RBFOX1: variants seen among roughly 807,000 people sequenced by gnomAD.
RBFOX1 encodes RNA binding fox-1 homolog 1.
A neutral mutation model predicts 57.7 loss-of-function variants in RBFOX1; 8 were observed. That is an observed-to-expected ratio of 0.14 (90% CI 0.08 to 0.25). The LOEUF (loss-of-function observed/expected upper bound fraction) is 0.25. Ranked by LOEUF, RBFOX1 falls within the 10% of genes least tolerant of loss-of-function variation. The pLI is 1.00. For synonymous variants in RBFOX1, 326 were observed against 222.4 expected (o/e 1.47, Z -4.15); for missense variants, 611 against 548.5 (o/e 1.11, Z -1.14).
chr16:7,088,292 C>T (rs1026286310), intron 4 of RBFOX1, among the ~76,000 whole-genome samples: 2 of 152,132 alleles, frequency 1.3e-5, no homozygotes, highest in Non-Finnish European at 2.9e-5. Context: ...CAAGAATGAA[C>T]TGCTCTGAGT....
intron 4 of RBFOX1, among the ~76,000 whole-genome samples, chr16:5,904,942 A>G (rs993501820): frequency 7.4e-6 from 1 of 135,436 alleles, no homozygotes; most frequent in Non-Finnish European, 1.5e-5. Flanking sequence ...GCACCAATGC[A>G]CTCCAGCCTG....
intron 1 of RBFOX1, among the ~76,000 whole-genome samples, chr16:5,265,655 T>C (rs766283502): frequency 2.6e-5 from 4 of 152,228 alleles, no homozygotes; most frequent in Admixed American, 6.5e-5. Flanking sequence ...TAGATCTATA[T>C]TCTTGAGTAA....
In RBFOX1 at chr16:6,943,822, A is replaced by T. The variant is rs186363768; in HGVS notation, c.-15-108235A>T. On this transcript the variant is annotated intron_variant, in intron 3 of 15. Transcript: ENST00000550418. ...TTAAGTGTTCAAAAACTGTGTTCAA[A>T]TAAGGCAAACGCTGAGCTGTAACCA... Among the ~76,000 whole-genome samples, 45 of 152,260 alleles carry T rather than the reference A, an allele frequency of 3.0e-4. No individual in the cohort carries two copies. The Middle Eastern group carries it at 0.027, about 92-fold the overall frequency.
chr16:5,469,583 G>T (rs1176030093), intron 2 of RBFOX1, among the ~76,000 whole-genome samples: 2 of 152,056 alleles, frequency 1.3e-5, no homozygotes, highest in African/African-American at 4.8e-5. Context: ...TTCACAATGC[G>T]GTGCCACCAT....
intron 2 of RBFOX1, among the ~76,000 whole-genome samples, chr16:6,343,288 C>T (rs967062171): frequency 6.6e-6 from 1 of 152,126 alleles, no homozygotes; most frequent in Admixed American, 6.5e-5. Context: ...CTGTGTCTTC[C>T]CCTACCCTGG....
At chr16:5,365,356 A>C (rs2065681626) in intron 1 of RBFOX1, among the ~76,000 whole-genome samples, 1 of 152,190 alleles carries the variant, frequency 6.6e-6, no homozygotes, top group African/African-American at 2.4e-5. Context: ...CATAAAGTCT[A>C]AAGATCCTGG....
At chr16:7,650,824 G>A (rs1597320892) in intron 11 of RBFOX1, among the ~76,000 whole-genome samples, 1 of 152,150 alleles carries the variant, frequency 6.6e-6, no homozygotes, top group African/African-American at 2.4e-5. Context: ...TAGTTGAACT[G>A]TGGCAAGACA....
chr16:5,323,368 T>C lies in RBFOX1; in HGVS notation c.219+83263T>C, dbSNP rs186449633. The stretch of plus-strand genomic sequence containing the variant: ...GGCTGGTCATGATGACCCAACGAAT[T>C]GATTTCATGACCCATGAATGGGTCG... On this transcript the variant is annotated intron_variant, in intron 1 of 2. Transcript: ENST00000585867. 1.6e-4 allele frequency among the ~76,000 whole-genome samples: 25 copies of C among 152,280 alleles called. No homozygotes were observed. In the East Asian group the frequency reaches 4.8e-3, roughly 29 times the overall value.
At chr16:7,612,395 A>C (rs2057685448) in intron 10 of RBFOX1, among the ~76,000 whole-genome samples, 1 of 150,922 alleles carries the variant, frequency 6.6e-6, no homozygotes. Flanking sequence ...GTGAGTCATG[A>C]AGTCTTTGGC....
chr16:7,323,229 G>T (rs74948410), intron 4 of RBFOX1, among the ~76,000 whole-genome samples: 3 of 152,080 alleles, frequency 2.0e-5, no homozygotes, highest in African/African-American at 7.2e-5. Flanking sequence ...TACCAGACCC[G>T]CCTGGCAACA....
At chr16:5,472,043 T>C (rs1180935009) in intron 2 of RBFOX1, among the ~76,000 whole-genome samples, 4 of 152,198 alleles carry the variant, frequency 2.6e-5, no homozygotes, top group Non-Finnish European at 5.9e-5. Flanking sequence ...CCTTGCCTTG[T>C]CTGCCTTCTC....
At chr16:7,035,157 G>A (rs2044016981) in intron 3 of RBFOX1, among the ~76,000 whole-genome samples, 1 of 152,046 alleles carries the variant, frequency 6.6e-6, no homozygotes, top group South Asian at 2.1e-4. Flanking sequence ...CTCTGAGACA[G>A]TGCATTTGTA....
intron 4 of RBFOX1, among the ~76,000 whole-genome samples, chr16:7,093,358 G>A (rs762069600): frequency 7.9e-5 from 12 of 152,190 alleles, no homozygotes; most frequent in Non-Finnish European, 1.8e-4. Flanking sequence ...AGCCCTGAAT[G>A]TTCTCTGTTG....
intron 2 of RBFOX1, among the ~76,000 whole-genome samples, chr16:6,476,355 C>T (rs1252217622): frequency 9.2e-5 from 14 of 152,102 alleles, no homozygotes; most frequent in Non-Finnish European, 2.1e-4. Flanking sequence ...TATAGATGTA[C>T]AGGCACACCT....
chr16:6,586,895 C>T (rs1026623954), intron 2 of RBFOX1, among the ~76,000 whole-genome samples: 1 of 152,094 alleles, frequency 6.6e-6, no homozygotes, highest in Non-Finnish European at 1.5e-5. Flanking sequence ...AAAAAATTGA[C>T]ACTAAAAATT....
intron 5 of RBFOX1, among the ~76,000 whole-genome samples, chr16:7,537,101 G>T (rs990652333): frequency 6.6e-6 from 1 of 152,198 alleles, no homozygotes; most frequent in African/African-American, 2.4e-5. Flanking sequence ...CATTAGGTTT[G>T]ATTTTGGGAA....
rs576161820 is a variant in RBFOX1 at position 5,451,158 on chromosome 16, G to A, written c.220-16058G>A. ...TTGAACAATATGGAGTCTGTCTGAT[G>A]TGAGAGAACCAGAGCTCTTCTTCCT... On this transcript the variant is annotated intron_variant, in intron 1 of 2. Transcript: ENST00000585867. 3.9e-5 allele frequency among the ~76,000 whole-genome samples: 6 copies of A among 152,300 alleles called. No individual in the cohort carries two copies. The East Asian group carries it at 9.6e-4, about 24-fold the overall frequency.
At chr16:7,507,127 C>T (rs2073590399) in intron 4 of RBFOX1, among the ~76,000 whole-genome samples, 1 of 152,114 alleles carries the variant, frequency 6.6e-6, no homozygotes, top group Non-Finnish European at 1.5e-5. Flanking sequence ...CTCTTGATGC[C>T]TCAATATTTG....
intron 3 of RBFOX1, among the ~76,000 whole-genome samples, chr16:6,811,394 G>C (rs1219766825): frequency 6.6e-6 from 1 of 152,174 alleles, no homozygotes. Flanking sequence ...CTTTTAGCTA[G>C]ATAACATTGA....
Sources: allele counts gnomAD v4.1 joint callset (sites outside exome capture counted in the v4.1 genomes callset), GRCh38; gene constraint gnomAD v4.1.1; transcripts MANE v1.5; gene names NCBI Gene and HGNC (gene_info 2026-07-23, HGNC 2026-07-21).